FANCD2: variants seen among roughly 807,000 people sequenced by gnomAD.
FANCD2 encodes the protein FA complementation group D2.
In FANCD2, 131 loss-of-function variants were observed where a neutral mutation model predicts 192.3. That is an observed-to-expected ratio of 0.68 (90% CI 0.59 to 0.79). FANCD2 has a LOEUF of 0.79. Among genes scored for constraint, FANCD2 ranks in the 30% least tolerant of loss-of-function variants. The probability of loss-of-function intolerance (pLI) is 0.00; values close to 1 mark genes in which losing one functional copy is unlikely to be tolerated. For synonymous variants in FANCD2, 524 were observed against 612.5 expected (o/e 0.86, Z 2.13); for missense variants, 1,508 against 1,701.6 (o/e 0.89, Z 2.00).
In FANCD2 at chr3:10,101,292, GTC is replaced by G. The variant is rs1695284954; in HGVS notation, c.*34_*35del. 6.8e-7 allele frequency: 1 copy of G among 1,479,980 alleles called. No homozygotes were observed. Among genetic ancestry groups the G allele is most frequent in the East Asian group, 2.3e-5 (1 of 44,232 alleles). The allele number at this position is 1,479,980 out of a possible 1,614,324, so 91.7% of individuals were successfully genotyped here. A position where few individuals can be genotyped will look rare whatever the true frequency, so the allele number is the denominator to read the frequency against. On this transcript the variant is annotated 3_prime_UTR_variant, in exon 44 of 44. Coordinates refer to ENST00000675286, the MANE Select transcript of FANCD2 (RefSeq NM_001018115.3). ...CAGATAAATTGTTGCCTGCTTCTGT[GTC>G]TCTGCCAGCCTGTGATCATTTTGTG...
intron 2 of FANCD2, among the ~76,000 whole-genome samples, chr3:10,031,025 A>C (rs1012457015): frequency 4.3e-4 from 65 of 152,204 alleles, no homozygotes; most frequent in African/African-American, 1.5e-3. Flanking sequence ...TACTGAAAGT[A>C]AATGTTATAC....
intron 43 of FANCD2, 89 bp downstream of exon 43, chr3:10,098,904 AT>A (rs1695139118): frequency 6.2e-7 from 1 of 1,614,130 alleles, no homozygotes; most frequent in African/African-American, 1.3e-5. Flanking sequence ...TTGCCTACTT[AT>A]GTTTATTGTC....
intron 37 of FANCD2, among the ~76,000 whole-genome samples, 195 bp downstream of exon 37, chr3:10,090,580 T>G (rs1247782891): frequency 1.3e-5 from 2 of 149,626 alleles, no homozygotes; most frequent in Non-Finnish European, 1.5e-5. Flanking sequence ...TGCCTCAGAC[T>G]CCTGAATAGC....
At chr3:10,088,378 T>G in intron 34 of FANCD2, 71 bp from the exon 35 acceptor site, 1 of 957,338 alleles carries the variant, frequency 1.0e-6, no homozygotes, top group Non-Finnish European at 1.7e-6. Context: ...ATAATCATCC[T>G]CAAAAACCTG....
intron 9 of FANCD2, chr3:10,040,422 T>C (rs778023061): frequency 8.9e-6 from 4 of 451,456 alleles, no homozygotes; most frequent in Non-Finnish European, 8.9e-6. Flanking sequence ...AGTGGAGAAG[T>C]TGACCATGAT....
chr3:10,071,137 AAG>A (rs1693219548), intron 26 of FANCD2, among the ~76,000 whole-genome samples: 1 of 149,722 alleles, frequency 6.7e-6, no homozygotes. Flanking sequence ...AAAAAAAAAA[AAG>A]AAAAAAAGAA....
Position 10,072,962 on chromosome 3 carries a change from C to T in FANCD2, c.2586C>T (p.Ile862=), listed in dbSNP as rs367838566. 5.6e-6 allele frequency: 9 copies of T among 1,594,094 alleles called. No homozygotes were observed. Among genetic ancestry groups the T allele is most frequent in the Non-Finnish European group, 7.7e-6 (9 of 1,161,946 alleles). ...PHTVTAISAK[I]RKKGKIERKQ... Reference sequence around the variant, plus strand: ...CTGTTACTGCTATTTCAGCAAAAATCAGAAAGAAAGGAAAAATAGGTAAGT... The same window carrying T: ...CTGTTACTGCTATTTCAGCAAAAATTAGAAAGAAAGGAAAAATAGGTAAGT... The change falls in exon 27 of 44, where the codon ATC becomes ATT. Residue 862 remains isoleucine, a synonymous_variant. Transcript: ENST00000675286.
intron 30 of FANCD2, among the ~76,000 whole-genome samples, chr3:10,079,921 C>CT (rs1158025491): frequency 0.02 from 2,889 of 144,874 alleles, 78 homozygotes; most frequent in African/African-American, 0.062. Flanking sequence ...TCTTCGTCTT[C>CT]TTTTTTTTTT....
At chr3:10,037,772 A>C (rs1412791009) in intron 7 of FANCD2, 3 of 152,208 alleles carry the variant, frequency 2.0e-5, no homozygotes, top group Non-Finnish European at 4.4e-5. Context: ...ACATTAATTG[A>C]AAAAAACAAA....
Position 10,035,205 on chromosome 3 carries a change from A to G in FANCD2, c.410A>G (p.Lys137Arg). Residue 137 changes from lysine to arginine, a missense_variant, in exon 6 of 44, where the codon AAA (lysine) becomes AGA (arginine). Coordinates refer to ENST00000675286, the MANE Select transcript of FANCD2 (RefSeq NM_001018115.3). ...MGASYSKSLI[K>R]LLLGIDILQP... is the part of the protein sequence containing the mutation. The stretch of plus-strand genomic sequence containing the variant: ...GCATCTTATTCTAAGAGTCTCATCA[A>G]ACTGCTTCTGGGGATTGACATACTG... 1.2e-6 allele frequency: 2 copies of G among 1,613,958 alleles called. No individual in the cohort carries two copies. The highest frequency in any genetic ancestry group is 1.7e-6 in the Non-Finnish European group (2 of 1,179,904).
At chr3:10,027,179 G>A (rs2086473298) in intron 1 of FANCD2, among the ~76,000 whole-genome samples, 3 of 152,172 alleles carry the variant, frequency 2.0e-5, no homozygotes. Flanking sequence ...ACTATGCTGG[G>A]CATTAGGGAC....
rs1694883773 is a variant in FANCD2, at chr3:10,095,236, G to T, written c.4000G>T (p.Asp1334Tyr). The change falls in exon 41 of 44, where the codon GAC becomes TAC. Residue 1334 changes from aspartate (D) to tyrosine (Y), a missense_variant. Physicochemically the swap from Asp to Tyr is radical, Grantham distance 160. Around this residue, in one of 5 missense-constraint regions of FANCD2, gnomAD observed 796 missense variants for 879.4 expected, o/e 0.91. Coordinates refer to ENST00000675286, the MANE Select transcript of FANCD2 (RefSeq NM_001018115.3). ...GAGCTTACTGGAAACCTTCCAGTTG[G>T]ACACAAGGCTGCTTCATCACCTGTG... ...VLSLLETFQL[D>Y]TRLLHHLCGH... The T allele has an allele frequency of 8.7e-6, 14 of 1,614,146 alleles. No individual in the cohort carries two copies. Among genetic ancestry groups the T allele is most frequent in the Non-Finnish European group, 1.2e-5 (14 of 1,179,998 alleles).
chr3:10,074,694 T>C, intron 29 of FANCD2, 21 bp downstream of exon 29: 3 of 1,611,958 alleles, frequency 1.9e-6, no homozygotes, highest in Non-Finnish European at 2.5e-6. Context: ...GGCTAGGATC[T>C]CAGAATTTAA....
intron 17 of FANCD2, among the ~76,000 whole-genome samples, chr3:10,050,427 A>G (rs1378013889): frequency 2.0e-5 from 3 of 151,242 alleles, no homozygotes; most frequent in African/African-American, 2.4e-5. Context: ...GATCAAGACC[A>G]TCCTGCCTAA....
chr3:10,069,459 G>GGCTCCCCCCCCCCCC (rs758011243), intron 26 of FANCD2, among the ~76,000 whole-genome samples: 6 of 129,428 alleles, frequency 4.6e-5, no homozygotes, highest in African/African-American at 1.6e-4. Context: ...TAGTTAAGAT[G>GGCTCCCCCCCCCCCC]CCTCTCCCCC....
At position 10,088,885 on chromosome 3, in the gene FANCD2, T is replaced by C. The variant is rs958469100; in HGVS notation, c.3618T>C (p.Val1206=). Residue 1206 remains valine (V), a synonymous_variant, in exon 36 of 44, where the codon GTT becomes GTC. Coordinates refer to ENST00000675286, the MANE Select transcript of FANCD2 (RefSeq NM_001018115.3). ...AGGCCATAGAGGAGATTGCTGGTGTTGGTGTCCCAGAACTGATCAACTCTC... is the reference window on the plus strand; with the variant it reads ...AGGCCATAGAGGAGATTGCTGGTGTCGGTGTCCCAGAACTGATCAACTCTC... ...ILKAIEEIAG[V]GVPELINSPK... The C allele has an allele frequency of 1.1e-5, 18 of 1,614,006 alleles. No homozygotes were observed. Among genetic ancestry groups the C allele is most frequent in the Non-Finnish European group, 1.5e-5 (18 of 1,179,962 alleles).
At chr3:10,069,491 C>G (rs1183124748) in intron 26 of FANCD2, among the ~76,000 whole-genome samples, 1 of 130,290 alleles carries the variant, frequency 7.7e-6, no homozygotes, top group Admixed American at 7.3e-5. Flanking sequence ...CTCCCCCTCT[C>G]CCGTCTCCCT....
Position 10,071,749 on chromosome 3 carries a change from G to T in FANCD2, c.2495-1122G>T, listed in dbSNP as rs200973157. On this transcript the variant is annotated intron_variant, in intron 26 of 43. Transcript: ENST00000675286. ...CTTCAAAAATATAATTAGATAGAAT[G>T]AATAAGATCTAGTTGTTTTTGTATT... Among the ~76,000 whole-genome samples the T allele has an allele frequency of 3.9e-5, 6 of 152,258 alleles. No homozygotes were observed. In the East Asian group the frequency reaches 1.2e-3, roughly 29 times the overall value.
intron 34 of FANCD2, 73 bp downstream of exon 34, chr3:10,087,337 G>A (rs1454337790): frequency 2.1e-6 from 3 of 1,410,492 alleles, no homozygotes; most frequent in Non-Finnish European, 2.9e-6. Context: ...TACAAACTTT[G>A]GGCTTCCCAG....
Sources: allele counts gnomAD v4.1 joint callset (sites outside exome capture counted in the v4.1 genomes callset), GRCh38; gene constraint gnomAD v4.1.1; regional missense constraint gnomAD v4.1.1; transcripts MANE v1.5; gene names NCBI Gene and HGNC (gene_info 2026-07-23, HGNC 2026-07-21).